The following TENM2 variants were observed in gnomAD, a reference collection of about 807,000 sequenced individuals.
TENM2 encodes teneurin transmembrane protein 2, also known as teneurin-2.
A neutral mutation model predicts 245.2 loss-of-function variants in TENM2; 52 were observed. The ratio of observed to expected loss-of-function variants is 0.21; its 90% CI spans 0.17 to 0.27. TENM2 has a LOEUF of 0.27. Among genes scored for constraint, TENM2 ranks in the 10% least tolerant of loss-of-function variants. The pLI is 1.00. For synonymous variants in TENM2, 1,363 were observed against 1,438.9 expected (o/e 0.95, Z 1.19); for missense variants, 3,046 against 3,666.8 (o/e 0.83, Z 4.37).
the TENM2 span, among the ~76,000 whole-genome samples, chr5:167,187,657 C>T: frequency 6.6e-6 from 1 of 152,148 alleles, no homozygotes; most frequent in East Asian, 1.9e-4. Context: ...CTATTTCGAC[C>T]TCCTTCTCTT....
chr5:167,643,630 C>T (rs1779746686), intron 2 of TENM2, among the ~76,000 whole-genome samples: 1 of 152,206 alleles, frequency 6.6e-6, no homozygotes, highest in South Asian at 2.1e-4. Context: ...CACACAGGAA[C>T]ACTTGCCTGA....
intron 1 of TENM2, among the ~76,000 whole-genome samples, chr5:167,355,566 A>G (rs1219586088): frequency 3.3e-5 from 5 of 152,158 alleles, no homozygotes; most frequent in Non-Finnish European, 2.9e-5. Flanking sequence ...TGTGCCAGTG[A>G]CACAGCAATT....
chr5:167,716,595 A>T (rs1166286896), intron 2 of TENM2, among the ~76,000 whole-genome samples: 1 of 152,226 alleles, frequency 6.6e-6, no homozygotes, highest in East Asian at 1.9e-4. Context: ...CCTTGAAAAA[A>T]AAGTTGCATT....
chr5:167,668,149 G>A (rs1755694051), intron 2 of TENM2, among the ~76,000 whole-genome samples: 1 of 152,148 alleles, frequency 6.6e-6, no homozygotes, highest in South Asian at 2.1e-4. Flanking sequence ...TAAGTGAGCT[G>A]AATGTGTATA....
chr5:167,396,984 C>T (rs894593137), intron 2 of TENM2, among the ~76,000 whole-genome samples: 5 of 152,012 alleles, frequency 3.3e-5, no homozygotes, highest in African/African-American at 9.7e-5. Context: ...GAGAAATATC[C>T]CCAATCTATT....
At chr5:167,618,731 C>T (rs563139947) in intron 2 of TENM2, among the ~76,000 whole-genome samples, 3 of 152,230 alleles carry the variant, frequency 2.0e-5, no homozygotes, top group African/African-American at 4.8e-5. Flanking sequence ...TTTTGTCAAG[C>T]AACCTGTTTT....
intron 5 of TENM2, among the ~76,000 whole-genome samples, chr5:168,004,012 A>G (rs1784611096): frequency 1.3e-5 from 2 of 152,214 alleles, no homozygotes; most frequent in Admixed American, 6.5e-5. Flanking sequence ...AAATGATGTA[A>G]GAGATGGAAA....
intron 2 of TENM2, among the ~76,000 whole-genome samples, chr5:167,487,139 G>A (rs1320157940): frequency 6.6e-6 from 1 of 152,154 alleles, no homozygotes. Context: ...CTTTGAGGAC[G>A]CAGGCCATAA....
chr5:167,187,748 C>T, the TENM2 span, among the ~76,000 whole-genome samples: 17 of 152,138 alleles, frequency 1.1e-4, no homozygotes, highest in African/African-American at 4.1e-4. Context: ...GTGGATTTCT[C>T]ATTCAATCTG....
At chr5:167,025,653 C>T in the TENM2 span, among the ~76,000 whole-genome samples, 2 of 152,026 alleles carry the variant, frequency 1.3e-5, no homozygotes, top group African/African-American at 2.4e-5. Context: ...AAAACAAAAA[C>T]AGAACAAAAA....
intron 3 of TENM2, among the ~76,000 whole-genome samples, chr5:167,887,441 G>A (rs1384846890): frequency 6.6e-6 from 1 of 152,196 alleles, no homozygotes; most frequent in Non-Finnish European, 1.5e-5. Context: ...TCAGATTTGG[G>A]CCTGTTGACT....
chr5:167,261,080 T>C, the TENM2 span, among the ~76,000 whole-genome samples: 4 of 152,176 alleles, frequency 2.6e-5, no homozygotes, highest in African/African-American at 9.6e-5. Context: ...TCAGCATTAC[T>C]TGGAAATTTG....
chr5:167,324,383 A>G (rs530081907), intron 1 of TENM2, among the ~76,000 whole-genome samples: 1 of 152,330 alleles, frequency 6.6e-6, no homozygotes, highest in African/African-American at 2.4e-5. Flanking sequence ...CAGAAGCAAC[A>G]TGTAGTTCTT....
chr5:168,197,202 A>G (rs1168468893), intron 15 of TENM2, among the ~76,000 whole-genome samples: 1 of 152,258 alleles, frequency 6.6e-6, no homozygotes, highest in African/African-American at 2.4e-5. Context: ...AAACTATTGT[A>G]CTGTACATGC....
chr5:167,586,971 G>A (rs779054358), intron 2 of TENM2, among the ~76,000 whole-genome samples: 3 of 152,188 alleles, frequency 2.0e-5, no homozygotes, highest in Non-Finnish European at 2.9e-5. Flanking sequence ...CTGAGGGGGT[G>A]CAGCATCTTC....
chr5:167,056,148 T>C, the TENM2 span, among the ~76,000 whole-genome samples: 1 of 152,062 alleles, frequency 6.6e-6, no homozygotes, highest in Non-Finnish European at 1.5e-5. Flanking sequence ...ATGCTTTCTC[T>C]GAATTTATTG....
chr5:167,397,996 C>G (rs1468981382), intron 2 of TENM2, among the ~76,000 whole-genome samples: 1 of 152,082 alleles, frequency 6.6e-6, no homozygotes, highest in Non-Finnish European at 1.5e-5. Context: ...ATACTCCATG[C>G]ACTGTGATGA....
At chr5:167,105,099 A>G in the TENM2 span, among the ~76,000 whole-genome samples, 2 of 152,338 alleles carry the variant, frequency 1.3e-5, no homozygotes, top group East Asian at 3.9e-4. Flanking sequence ...ACGTATTTCA[A>G]GGTATATAGA....
chr5:168,231,054 T>G (rs1348479551), intron 25 of TENM2: 2 of 152,234 alleles, frequency 1.3e-5, no homozygotes, highest in Non-Finnish European at 2.9e-5. Flanking sequence ...CTCTGTGCAG[T>G]TGCTGCAGCA....
Sources: allele counts gnomAD v4.1 joint callset (sites outside exome capture counted in the v4.1 genomes callset), GRCh38; gene constraint gnomAD v4.1.1; transcripts MANE v1.5; gene names NCBI Gene and HGNC (gene_info 2026-07-23, HGNC 2026-07-21).